The following MYO1B variants were observed in gnomAD, a reference collection of about 807,000 sequenced individuals.
The protein encoded by MYO1B is myosin IB, also known as unconventional myosin-Ib.
MYO1B carries 72 observed loss-of-function variants against 159.7 expected under a neutral mutation model. The ratio of observed to expected loss-of-function variants is 0.45; its 90% CI spans 0.37 to 0.55. The LOEUF is 0.55. MYO1B is among the 20% of genes least tolerant of loss of function. The probability of loss-of-function intolerance (pLI) is 0.00; values close to 1 mark genes in which losing one functional copy is unlikely to be tolerated. For synonymous variants in MYO1B, 468 were observed against 473.8 expected (o/e 0.99, Z 0.16); for missense variants, 1,062 against 1,364.8 (o/e 0.78, Z 3.50).
At chr2:191,354,040 G>A (rs1424629128) in intron 7 of MYO1B, among the ~76,000 whole-genome samples, 5 of 151,982 alleles carry the variant, frequency 3.3e-5, no homozygotes, top group African/African-American at 4.8e-5. Flanking sequence ...GGCGGATCAC[G>A]AGGTCAGGAG....
At chr2:191,366,573 A>G (rs1694024209) in intron 11 of MYO1B, among the ~76,000 whole-genome samples, 1 of 152,024 alleles carries the variant, frequency 6.6e-6, no homozygotes, top group Admixed American at 6.6e-5. Flanking sequence ...CTTTCTCTAG[A>G]TAGGAGGACT....
rs1692220887 is a variant in MYO1B at position 191,341,522 on chromosome 2, T to G, written c.408T>G (p.Asn136Lys). 1 of 1,613,906 alleles carries G rather than the reference T, an allele frequency of 6.2e-7. No homozygotes were observed. ...TTTGTGGAAAAGGAGCAGAAGTTAA[T>G]CAAGTTAAAGAACAGCTTTTACAGT... ...AAVCGKGAEVNQVKEQLLQSN... is the reference protein window; with the variant it reads ...AAVCGKGAEVKQVKEQLLQSN... Residue 136 changes from asparagine (N) to lysine (K), a missense_variant, in exon 5 of 31, where the codon AAT (asparagine) becomes AAG (lysine). By Grantham distance (94) the Asn-to-Lys change is moderately conservative (BLOSUM62 0). This residue lies in a region of MYO1B where 415 missense variants were observed against 544.0 expected (regional missense o/e 0.76). Transcript: ENST00000392318.
chr2:191,265,214 G>C (rs1687066866), intron 1 of MYO1B, among the ~76,000 whole-genome samples: 1 of 148,146 alleles, frequency 6.8e-6, no homozygotes, highest in Admixed American at 6.7e-5. Flanking sequence ...TTTAAAGAAG[G>C]CCATTCTGCC....
chr2:191,278,455 A>AT (rs1220285358), intron 2 of MYO1B, among the ~76,000 whole-genome samples: 7 of 152,214 alleles, frequency 4.6e-5, no homozygotes, highest in Non-Finnish European at 1.0e-4. Context: ...TTCAAGGATG[A>AT]TTTTGAGTAA....
chr2:191,352,052 C>T (rs528705934), intron 7 of MYO1B, among the ~76,000 whole-genome samples: 1 of 152,172 alleles, frequency 6.6e-6, no homozygotes, highest in South Asian at 2.1e-4. Flanking sequence ...ATAGTGCTAC[C>T]TAAGTTAAAT....
chr2:191,328,475 T>C (rs1389443589), intron 3 of MYO1B, among the ~76,000 whole-genome samples: 3 of 152,252 alleles, frequency 2.0e-5, no homozygotes, highest in Non-Finnish European at 2.9e-5. Flanking sequence ...GGCCCTGCTG[T>C]GTCACACTGG....
chr2:191,269,126 A>G (rs902962380), intron 1 of MYO1B, among the ~76,000 whole-genome samples: 1 of 152,046 alleles, frequency 6.6e-6, no homozygotes, highest in Admixed American at 6.5e-5. Context: ...CATTATCCCA[A>G]ACTAAAACTG....
At position 191,246,559 on chromosome 2, in the gene MYO1B, C is replaced by A. The variant is rs1050256586; in HGVS notation, c.-10+933C>A. On this transcript the variant is annotated intron_variant, in intron 1 of 30. Coordinates refer to ENST00000392318, the MANE Select transcript of MYO1B (RefSeq NM_001130158.3). ...AGTTACAGTGAAAGAAGCCCCCCCC[C>A]CTTTTTTTTTGAGATTTGAAAAAAT... Among the ~76,000 whole-genome samples, 6 of 149,116 alleles carry A rather than the reference C, an allele frequency of 4.0e-5. No homozygotes were observed. The East Asian group carries it at 9.7e-4, about 24-fold the overall frequency.
chr2:191,384,719 T>A (rs1361276386), intron 15 of MYO1B, among the ~76,000 whole-genome samples: 2 of 152,228 alleles, frequency 1.3e-5, no homozygotes, highest in Non-Finnish European at 2.9e-5. Flanking sequence ...TTGATAAATA[T>A]AACCTTGCAT....
rs566885097 is a variant in MYO1B at position 191,269,305 on chromosome 2, G to A, written c.-9-7582G>A. 3.3e-5 allele frequency among the ~76,000 whole-genome samples: 5 copies of A among 152,280 alleles called. No individual in the cohort carries two copies. In the East Asian group the frequency reaches 5.8e-4, roughly 18 times the overall value. ...ACATAACTTAGTGCCCTCAAGGTTCGTTGATGTAGCATGTATCAGGATTTC... is the reference window on the plus strand; with the variant it reads ...ACATAACTTAGTGCCCTCAAGGTTCATTGATGTAGCATGTATCAGGATTTC... On this transcript the variant is annotated intron_variant, in intron 1 of 30. Transcript: ENST00000392318.
chr2:191,320,644 T>C (rs1690648892), intron 3 of MYO1B, among the ~76,000 whole-genome samples: 1 of 152,114 alleles, frequency 6.6e-6, no homozygotes, highest in Non-Finnish European at 1.5e-5. Context: ...ATGAATAGAT[T>C]GATGACCTTG....
chr2:191,389,153 C>T (rs1320103369), intron 17 of MYO1B, among the ~76,000 whole-genome samples: 1 of 152,030 alleles, frequency 6.6e-6, no homozygotes, highest in Non-Finnish European at 1.5e-5. Context: ...TCTATTTGTC[C>T]ATCTTTATTT....
chr2:191,396,612 G>C, intron 21 of MYO1B, 115 bp downstream of exon 21: 1 of 965,564 alleles, frequency 1.0e-6, no homozygotes. Flanking sequence ...TGCCTCGCCT[G>C]TAAACAGTCA....
intron 3 of MYO1B, among the ~76,000 whole-genome samples, chr2:191,313,192 C>CTTTGTTTTTTTTT (rs1690117840): frequency 2.3e-5 from 1 of 42,992 alleles, no homozygotes; most frequent in African/African-American, 1.1e-4. Context: ...GCACACATGG[C>CTTTGTTTTTTTTT]TTTTTTTTTT....
rs184880479 is a variant in MYO1B at position 191,260,194 on chromosome 2, T to C, written c.-10+14568T>C. ...ATAAGATTGAGTGGGTAGCTATCCC[T>C]GTAGAGCCTGGGGGCAGATTTATTT... On this transcript the variant is annotated intron_variant, in intron 1 of 30. Transcript: ENST00000392318. 6.0e-5 allele frequency among the ~76,000 whole-genome samples: 9 copies of C among 149,842 alleles called. 1 individual carries two copies. Among genetic ancestry groups the C allele is most frequent in the Non-Finnish European group, 8.9e-5 (6 of 67,268 alleles).
chr2:191,335,438 A>G (rs1398009759), intron 4 of MYO1B, among the ~76,000 whole-genome samples: 1 of 152,214 alleles, frequency 6.6e-6, no homozygotes, highest in African/African-American at 2.4e-5. Context: ...TATGGAGATT[A>G]CTTACAGGAA....
chr2:191,308,432 C>A (rs1689785229), intron 3 of MYO1B, among the ~76,000 whole-genome samples: 1 of 152,090 alleles, frequency 6.6e-6, no homozygotes. Flanking sequence ...AGTAGGCCAC[C>A]TTTTTCCAAG....
intron 13 of MYO1B, chr2:191,379,374 G>C (rs1179755942): frequency 6.6e-6 from 1 of 152,656 alleles, no homozygotes; most frequent in East Asian, 1.9e-4. Context: ...GAATAACCAT[G>C]TGGATATAAA....
chr2:191,411,320 C>A, intron 27 of MYO1B, 148 bp downstream of exon 27: 2 of 556,896 alleles, frequency 3.6e-6, no homozygotes, highest in Non-Finnish European at 6.4e-6. Context: ...TTGATGTAAA[C>A]ACATTTATTT....
Sources: gnomAD v4.1 joint callset for allele counts (sites outside exome capture counted in the v4.1 genomes callset) on GRCh38, gnomAD v4.1.1 for gene constraint, gnomAD v4.1.1 regional missense constraint, MANE v1.5 for transcripts, NCBI Gene and HGNC (gene_info 2026-07-23, HGNC 2026-07-21) for gene names.